KIF1B: variants seen among roughly 807,000 people sequenced by gnomAD.
KIF1B encodes kinesin-like protein KIF1B.
A neutral mutation model predicts 241.9 loss-of-function variants in KIF1B; 76 were observed. That is an observed-to-expected ratio of 0.31 (90% confidence interval 0.26 to 0.38). KIF1B has a LOEUF of 0.38. Ranked by LOEUF, KIF1B falls within the 10% of genes least tolerant of loss-of-function variation. The probability of loss-of-function intolerance (pLI) is 1.00; values close to 1 mark genes in which losing one functional copy is unlikely to be tolerated. For missense variants in KIF1B, 1,622 were observed against 2,271.4 expected (o/e 0.71, Z 5.81); for synonymous variants, 750 against 796.7 (o/e 0.94, Z 0.99).
rs966568950 is a variant in KIF1B at position 10,376,625 on chromosome 1, TAAAG to T, written c.*43_*46del. ...AGTGCCCTCACTCGCCTTCGAGAGA[TAAAG>T]AAAGCGTTACCTCTCATTTCTCTTT... On this transcript the variant is annotated 3_prime_UTR_variant, in exon 49 of 49. Transcript: ENST00000676179. 24 of 1,594,794 alleles carry T rather than the reference TAAAG, an allele frequency of 1.5e-5. No homozygotes were observed. The highest frequency in any genetic ancestry group is 4.0e-5 in the African/African-American group (3 of 74,478).
At chr1:10,361,174 A>G in intron 39 of KIF1B, 131 bp downstream of exon 39, 1 of 722,374 alleles carries the variant, frequency 1.4e-6, no homozygotes, top group African/African-American at 1.7e-5. Context: ...TAAGTTTTTC[A>G]TTTTATTATA....
chr1:10,337,657 T>C lies in KIF1B; in HGVS notation c.3422+124T>C. On this transcript the variant is annotated intron_variant, in intron 31 of 48. Coordinates refer to ENST00000676179, the MANE Select transcript of KIF1B (RefSeq NM_001365951.3). This position sits in a 1 kb window ranked among gnomAD's most constrained non-coding sequence, Gnocchi z 4.0. ...CTTGAGACAAAGACTGATCAGTCTC[T>C]GAAGGAAAATACTTTCATCACTCCT... The C allele has an allele frequency of 9.2e-7, 1 of 1,084,404 alleles. No homozygotes were observed. Among genetic ancestry groups the C allele is most frequent in the Non-Finnish European group, 1.4e-6 (1 of 729,006 alleles). 67.2% of individuals were successfully genotyped at this position (1,084,404 alleles called of 1,614,324 possible).
At chr1:10,247,899 A>G (rs543674292) in intron 2 of KIF1B, among the ~76,000 whole-genome samples, 5 of 152,266 alleles carry the variant, frequency 3.3e-5, no homozygotes, top group Non-Finnish European at 5.9e-5. Context: ...GACATTAGTT[A>G]GATTCTCATA....
At position 10,295,760 on chromosome 1, in the gene KIF1B, G is replaced by GTCC. The variant is rs1650231300; in HGVS notation, c.1771_1772insTCC (p.Gly591delinsValArg). 2 of 1,612,398 alleles carry GTCC rather than the reference G, an allele frequency of 1.2e-6. No homozygotes were observed. Among genetic ancestry groups the GTCC allele is most frequent in the Non-Finnish European group, 1.7e-6 (2 of 1,178,906 alleles). On this transcript the variant is annotated protein_altering_variant, in exon 19 of 49. Transcript: ENST00000676179. ...CTTCCGGAGTGAGAGAAGCAACAGC[G>GTCC]GGGAAGGTGAGCATTCCTGGCTGGA...
At chr1:10,263,952 A>C (rs961986640) in intron 5 of KIF1B, among the ~76,000 whole-genome samples, 6 of 152,172 alleles carry the variant, frequency 3.9e-5, no homozygotes, top group Admixed American at 2.6e-4. Flanking sequence ...TCCTGCTTCA[A>C]GGCCTCTACA....
rs1569853397 is a variant in KIF1B, at chr1:10,337,148, T to G, written c.3204T>G (p.Gly1068=). 6.2e-7 allele frequency: 1 copy of G among 1,614,154 alleles called. No homozygotes were observed. Among genetic ancestry groups the G allele is most frequent in the Non-Finnish European group, 8.5e-7 (1 of 1,180,020 alleles). ...AGTTGAGGATTGTGGAAGGACAGGG[T>G]CAGAGTTCTGAGGTCATCACTCCTC... is the stretch of plus-strand genomic sequence containing the variant. ...LEELRIVEGQ[G]QSSEVITPPE... The change falls in exon 30 of 49, where the codon GGT becomes GGG. Residue 1068 remains glycine, a synonymous_variant. Coordinates refer to ENST00000676179, the MANE Select transcript of KIF1B (RefSeq NM_001365951.3). This position sits in a 1 kb window ranked among gnomAD's most constrained non-coding sequence, Gnocchi z 4.0.
intron 28 of KIF1B, 37 bp from the exon 29 acceptor site, chr1:10,336,620 C>G: frequency 6.5e-7 from 1 of 1,527,180 alleles, no homozygotes; most frequent in Non-Finnish European, 9.1e-7. Flanking sequence ...CCTGTGTAGT[C>G]TCACTCAATT....
At chr1:10,305,804 A>G (rs1650800179) in intron 22 of KIF1B, 1 of 1,054,252 alleles carries the variant, frequency 9.5e-7, no homozygotes, top group Non-Finnish European at 1.1e-6. Flanking sequence ...TTTAATGGGA[A>G]GAAAAGAATT....
At chr1:10,213,031 T>C (rs939232070) in intron 1 of KIF1B, among the ~76,000 whole-genome samples, 1 of 151,530 alleles carries the variant, frequency 6.6e-6, no homozygotes, top group African/African-American at 2.4e-5. Flanking sequence ...TTAAAACTTG[T>C]TGAATCAAAT....
chr1:10,250,030 C>T (rs183849533), intron 2 of KIF1B, among the ~76,000 whole-genome samples: 3 of 152,160 alleles, frequency 2.0e-5, no homozygotes, highest in South Asian at 2.1e-4. Flanking sequence ...AGGCTAGTCT[C>T]GAACGCGTAG....
chr1:10,275,576 C>A, intron 11 of KIF1B, 73 bp downstream of exon 11: 1 of 901,896 alleles, frequency 1.1e-6, no homozygotes, highest in Non-Finnish European at 1.9e-6. Context: ...TGTCCTGTGT[C>A]TGTTTTGGAG....
At chr1:10,362,177 T>C (rs892144555) in intron 40 of KIF1B, among the ~76,000 whole-genome samples, 1 of 152,202 alleles carries the variant, frequency 6.6e-6, no homozygotes, top group African/African-American at 2.4e-5. Context: ...ATACAAAATA[T>C]GTCAGGAATA....
rs1638948516 is a variant in KIF1B at position 10,378,622 on chromosome 1, C to T, written c.*2035C>T. Reference sequence around the variant, plus strand: ...GGCGTTAGGCAGCTGGATGACTTCCCGCTTCACGCAGCAAAGGCCAGGGGC... The same window carrying T: ...GGCGTTAGGCAGCTGGATGACTTCCTGCTTCACGCAGCAAAGGCCAGGGGC... On this transcript the variant is annotated 3_prime_UTR_variant, in exon 49 of 49. Transcript: ENST00000676179. The T allele has an allele frequency of 5.1e-6, 3 of 585,578 alleles. No individual in the cohort carries two copies. Among genetic ancestry groups the T allele is most frequent in the South Asian group, 2.0e-5 (1 of 49,908 alleles). The allele number at this position is 585,578 out of a possible 1,614,324, so 36.3% of individuals were successfully genotyped here.
rs1638885925 is a variant in KIF1B, at chr1:10,376,252, T to C, written c.5409-293T>C. Among the ~76,000 whole-genome samples the C allele has an allele frequency of 3.3e-5, 5 of 152,170 alleles. No individual in the cohort carries two copies. In the South Asian group the frequency reaches 1.0e-3, roughly 31 times the overall value. On this transcript the variant is annotated intron_variant, in intron 48 of 48. Transcript: ENST00000676179. ...TACTCTGGTCACACATGTGCACCAATTATTTTCCTTCTTTGTCTTTTTGTT... is the reference window on the plus strand; with the variant it reads ...TACTCTGGTCACACATGTGCACCAACTATTTTCCTTCTTTGTCTTTTTGTT...
chr1:10,312,405 C>T (rs879607111), intron 22 of KIF1B, among the ~76,000 whole-genome samples: 56 of 151,528 alleles, frequency 3.7e-4, no homozygotes, highest in Non-Finnish European at 7.2e-4. Context: ...CTTCTTATTT[C>T]CATAGTTCCT....
chr1:10,364,164 C>T (rs1054879311), intron 41 of KIF1B, among the ~76,000 whole-genome samples: 2 of 150,594 alleles, frequency 1.3e-5, no homozygotes, highest in East Asian at 1.9e-4. Flanking sequence ...TATTCCCTTC[C>T]GTCTTTTTAA....
chr1:10,267,608 T>C, intron 6 of KIF1B, 50 bp downstream of exon 6: 2 of 1,581,754 alleles, frequency 1.3e-6, no homozygotes, highest in Non-Finnish European at 8.7e-7. Context: ...CCTTTTGAGG[T>C]CCTTTTTTCC....
At chr1:10,315,203 G>A (rs1361907181) in intron 22 of KIF1B, among the ~76,000 whole-genome samples, 4 of 127,686 alleles carry the variant, frequency 3.1e-5, no homozygotes, top group South Asian at 2.3e-4. Flanking sequence ...TTTTTAAGAC[G>A]GAGTCTCACT....
chr1:10,307,405 GT>G (rs1650882741), intron 22 of KIF1B: 2 of 554,560 alleles, frequency 3.6e-6, no homozygotes, highest in African/African-American at 4.1e-5. Context: ...TGCCTCCTGG[GT>G]TCAAGCAATT....
Sources: gnomAD v4.1 joint callset for allele counts (sites outside exome capture counted in the v4.1 genomes callset) on GRCh38, gnomAD v4.1.1 for gene constraint, Gnocchi (gnomAD v3.1) non-coding constraint, MANE v1.5 for transcripts, NCBI Gene and HGNC (gene_info 2026-07-23, HGNC 2026-07-21) for gene names.